Variants in PHACTR2 observed in about 807,000 individuals in gnomAD.
PHACTR2 encodes chromosome 6 open reading frame 56.
A neutral mutation model predicts 76.0 loss-of-function variants in PHACTR2; 30 were observed. That is an observed-to-expected ratio of 0.39 (90% CI 0.30 to 0.54). The LOEUF (loss-of-function observed/expected upper bound fraction) is 0.54. Among genes scored for constraint, PHACTR2 ranks in the 20% least tolerant of loss-of-function variants. The pLI, the probability that PHACTR2 is intolerant of heterozygous loss-of-function variation, is 0.61. For synonymous variants in PHACTR2, 292 were observed against 292.5 expected, an observed-to-expected ratio of 1.00 and a Z score of 0.02; for missense variants, 696 against 781.1, an observed-to-expected ratio of 0.89 and a Z score of 1.30.
rs576488764 is a variant in PHACTR2, at chr6:143,653,289, T to G, written c.13+44967T>G. Among the ~76,000 whole-genome samples the G allele has an allele frequency of 1.1e-3, 174 of 152,316 alleles. No homozygotes were observed. Among genetic ancestry groups the G allele is most frequent in the Non-Finnish European group, 2.0e-3 (134 of 68,026 alleles). On this transcript the variant is annotated intron_variant, in intron 1 of 11. Coordinates refer to the PHACTR2 transcript ENST00000305766. The surrounding 1 kb of genome is among the most constrained non-coding windows in gnomAD (Gnocchi z 4.9). ...AGTTCATGACTTGGTTTTTCCACTC[T>G]TGTAAAATGAAGGCTGCTCTGACTC...
At position 143,664,804 on chromosome 6, in the gene PHACTR2, T is replaced by A. The variant is rs894741140; in HGVS notation, c.14-47212T>A. On this transcript the variant is annotated intron_variant, in intron 1 of 11. Coordinates refer to the PHACTR2 transcript ENST00000305766. The surrounding 1 kb of genome is among the most constrained non-coding windows in gnomAD (Gnocchi z 5.1). ...CTTTCTTTATTTTTATTTTATTTTA[T>A]TATTATTATTTTGAGACACTGTCTT... Among the ~76,000 whole-genome samples the A allele has an allele frequency of 7.2e-5, 11 of 152,156 alleles. No homozygotes were observed. The highest frequency in any genetic ancestry group is 2.6e-4 in the African/African-American group (11 of 41,514).
chr6:143,741,659 G>A (rs964810749), intron 2 of PHACTR2, among the ~76,000 whole-genome samples: 2 of 152,140 alleles, frequency 1.3e-5, no homozygotes, highest in Non-Finnish European at 2.9e-5. Context: ...GAGGAGGAAG[G>A]AACACAGATC....
At chr6:143,718,291 C>A (rs148467841) in intron 2 of PHACTR2, among the ~76,000 whole-genome samples, 238 of 152,302 alleles carry the variant, frequency 1.6e-3, no homozygotes, top group African/African-American at 5.1e-3. Context: ...ATCATCAGTA[C>A]AACCTCATGA....
rs1223356770 is a variant in PHACTR2, at chr6:143,611,555, G to A, written c.13+3233G>A. Among the ~76,000 whole-genome samples the A allele has an allele frequency of 6.6e-6, 1 of 152,154 alleles. No homozygotes were observed. The highest frequency in any genetic ancestry group is 1.5e-5 in the Non-Finnish European group (1 of 68,026). On this transcript the variant is annotated intron_variant, in intron 1 of 11. Coordinates refer to the PHACTR2 transcript ENST00000305766. This position sits in a 1 kb window ranked among gnomAD's most constrained non-coding sequence, Gnocchi z 4.4. ...CATTTAATTTTCTCATTGGTAAGGG[G>A]TGACAATAATGGTACCCATCTCATA...
intron 1 of PHACTR2, among the ~76,000 whole-genome samples, chr6:143,660,452 C>T (rs942410431): frequency 6.6e-6 from 1 of 152,092 alleles, no homozygotes; most frequent in African/African-American, 2.4e-5. Flanking sequence ...GAAAGAGACT[C>T]CCCCATGATT....
intron 2 of PHACTR2, among the ~76,000 whole-genome samples, chr6:143,726,625 C>G (rs765569169): frequency 3.3e-5 from 5 of 152,196 alleles, no homozygotes; most frequent in African/African-American, 7.2e-5. Context: ...GTGTAGTATA[C>G]TACATTGTTT....
intron 1 of PHACTR2, among the ~76,000 whole-genome samples, chr6:143,628,414 T>C (rs1582714588): frequency 6.6e-6 from 1 of 152,328 alleles, no homozygotes; most frequent in Non-Finnish European, 1.5e-5. Flanking sequence ...CTGGAGGCAC[T>C]GGGGGAGAAT....
Position 143,800,284 on chromosome 6 carries a change from C to A in PHACTR2, c.1846-6773C>A, listed in dbSNP as rs1396572276. Among the ~76,000 whole-genome samples the A allele has an allele frequency of 2.6e-5, 4 of 151,508 alleles. No homozygotes were observed. Among genetic ancestry groups the A allele is most frequent in the African/African-American group, 9.7e-5 (4 of 41,184 alleles). On this transcript the variant is annotated intron_variant, in intron 11 of 12. Transcript: ENST00000440869. This position sits in a 1 kb window ranked among gnomAD's most constrained non-coding sequence, Gnocchi z 4.8. ...TTTTTTATTTTTTATTTTTTTGAGA[C>A]CGAGTCTGGCTCTGTTGCCCAGGCT...
intron 2 of PHACTR2, among the ~76,000 whole-genome samples, chr6:143,732,830 C>A (rs1277440245): frequency 1.3e-5 from 2 of 152,052 alleles, no homozygotes; most frequent in Non-Finnish European, 2.9e-5. Flanking sequence ...TTATTGCTAT[C>A]CTGGTGGGTA....
intron 1 of PHACTR2, among the ~76,000 whole-genome samples, chr6:143,544,528 G>A (rs771075936): frequency 6.6e-6 from 1 of 152,132 alleles, no homozygotes; most frequent in Non-Finnish European, 1.5e-5. Flanking sequence ...AAAATAATTA[G>A]TAACAGTAAC....
rs1431869031 is a variant in PHACTR2 at position 143,739,740 on chromosome 6, C to G, written c.215-9245C>G. Among the ~76,000 whole-genome samples, 1 of 152,164 alleles carries G rather than the reference C, an allele frequency of 6.6e-6. No homozygotes were observed. The highest frequency in any genetic ancestry group is 1.5e-5 in the Non-Finnish European group (1 of 68,036). ...TTGAGGACTTGCTCATTGTTTGAAT[C>G]TTGGACCTTTATTCCTTCGGAATTA... On this transcript the variant is annotated intron_variant, in intron 2 of 12. Transcript: ENST00000440869. The surrounding 1 kb of genome is among the most constrained non-coding windows in gnomAD (Gnocchi z 4.3).
intron 6 of PHACTR2, among the ~76,000 whole-genome samples, chr6:143,771,160 A>ATATATATATATGTATATATATATATG (rs1775101587): frequency 9.3e-5 from 2 of 21,574 alleles, no homozygotes; most frequent in Admixed American, 5.7e-4. Context: ...ATATATATGT[A>ATATATATATATGTATATATATATATG]TATATATATA....
intron 1 of PHACTR2, among the ~76,000 whole-genome samples, chr6:143,609,953 T>C (rs1268134567): frequency 1.3e-5 from 2 of 152,236 alleles, no homozygotes; most frequent in African/African-American, 2.4e-5. Flanking sequence ...CTGCTCTTGA[T>C]GAGTTTAAGA....
Position 143,807,192 on chromosome 6 carries a change from G to C in PHACTR2, c.1922+59G>C. The C allele has an allele frequency of 2.0e-6, 2 of 985,478 alleles. No individual in the cohort carries two copies. Among genetic ancestry groups the C allele is most frequent in the East Asian group, 2.4e-5 (1 of 41,070 alleles). 61.0% of individuals were successfully genotyped at this position (985,478 alleles called of 1,614,324 possible). ...TGCTTAAGATGTGATCCCATGTTGA[G>C]TTGGTTAAAAAAAGAAATTGCTTAC... On this transcript the variant is annotated intron_variant, in intron 12 of 12. Coordinates refer to ENST00000440869, the MANE Select transcript of PHACTR2 (RefSeq NM_001100164.2). This position sits in a 1 kb window ranked among gnomAD's most constrained non-coding sequence, Gnocchi z 5.5.
At chr6:143,626,820 G>A (rs1185447617) in intron 1 of PHACTR2, among the ~76,000 whole-genome samples, 1 of 152,116 alleles carries the variant, frequency 6.6e-6, no homozygotes, top group Non-Finnish European at 1.5e-5. Flanking sequence ...TTTTAGCAAA[G>A]ACATTAGAAT....
rs111787721 is a variant in PHACTR2, at chr6:143,695,821, G to A, written c.47-16195G>A. Among the ~76,000 whole-genome samples the A allele has an allele frequency of 6.6e-6, 1 of 152,172 alleles. No homozygotes were observed. Among genetic ancestry groups the A allele is most frequent in the African/African-American group, 2.4e-5 (1 of 41,418 alleles). On this transcript the variant is annotated intron_variant, in intron 1 of 12. Transcript: ENST00000440869. This position sits in a 1 kb window ranked among gnomAD's most constrained non-coding sequence, Gnocchi z 4.4. ...CTTTAGATTGTGACATTAGGCACATGTGGAAACAACAGTAAAATGCAACTT... is the reference window on the plus strand; with the variant it reads ...CTTTAGATTGTGACATTAGGCACATATGGAAACAACAGTAAAATGCAACTT...
chr6:143,649,221 G>A (rs192004084), intron 1 of PHACTR2, among the ~76,000 whole-genome samples: 2 of 152,272 alleles, frequency 1.3e-5, no homozygotes, highest in Admixed American at 1.3e-4. Context: ...AAGCACAAGG[G>A]TTAGGGATGG....
chr6:143,618,612 G>C lies in PHACTR2; in HGVS notation c.13+10290G>C, dbSNP rs1163410549. 1.3e-5 allele frequency among the ~76,000 whole-genome samples: 2 copies of C among 151,888 alleles called. No individual in the cohort carries two copies. The highest frequency in any genetic ancestry group is 2.1e-4 in the South Asian group (1 of 4,806). ...AGGGACTGGCAGGGGAGGCTGGGGG[G>C]GGATAGGGGTTGAATGTTTCCCTAA... On this transcript the variant is annotated intron_variant, in intron 1 of 11. Coordinates refer to the PHACTR2 transcript ENST00000305766. This position sits in a 1 kb window ranked among gnomAD's most constrained non-coding sequence, Gnocchi z 5.2.
chr6:143,772,237 A>G lies in PHACTR2; in HGVS notation c.1233-21A>G, dbSNP rs774220892. ...TTGCTCTGAGCTTCACATCACTCCC[A>G]TGCTTTTCTGCCTTTAACAGTTTCA... On this transcript the variant is annotated intron_variant, in intron 6 of 12. Coordinates refer to ENST00000440869, the MANE Select transcript of PHACTR2 (RefSeq NM_001100164.2). This position sits in a 1 kb window ranked among gnomAD's most constrained non-coding sequence, Gnocchi z 5.4. The G allele has an allele frequency of 3.1e-6, 5 of 1,593,680 alleles. No homozygotes were observed. In the African/African-American group the frequency reaches 4.0e-5, roughly 13 times the overall value.
Sources: gnomAD v4.1 joint callset for allele counts (sites outside exome capture counted in the v4.1 genomes callset) on GRCh38, gnomAD v4.1.1 for gene constraint, Gnocchi (gnomAD v3.1) non-coding constraint, MANE v1.5 for transcripts, NCBI Gene and HGNC (gene_info 2026-07-23, HGNC 2026-07-21) for gene names.